The following CNTNAP2 variants were observed in gnomAD, a reference collection of about 807,000 sequenced individuals.
CNTNAP2 encodes contactin associated protein 2, also known as contactin-associated protein-like 2.
Under a neutral mutation model 155.2 loss-of-function variants are expected in CNTNAP2, and 98 were observed. The ratio of observed to expected loss-of-function variants is 0.63; its 90% CI spans 0.54 to 0.75. The LOEUF (loss-of-function observed/expected upper bound fraction) is 0.75, where lower values mean the gene tolerates loss of function less well. Among genes scored for constraint, CNTNAP2 ranks in the 30% least tolerant of loss-of-function variants. The pLI, the probability that CNTNAP2 is intolerant of heterozygous loss-of-function variation, is 0.00. For synonymous variants in CNTNAP2, 651 were observed against 631.2 expected (o/e 1.03, Z -0.47); for missense variants, 1,727 against 1,688.1 (o/e 1.02, Z -0.40).
intron 12 of CNTNAP2, among the ~76,000 whole-genome samples, chr7:147,611,219 C>T (rs1563021152): frequency 1.3e-5 from 2 of 152,092 alleles, no homozygotes; most frequent in African/African-American, 4.8e-5. Context: ...TACTTAGCCT[C>T]CAAGTTTGAA....
chr7:146,178,527 A>G (rs1798505074), intron 1 of CNTNAP2, among the ~76,000 whole-genome samples: 1 of 152,140 alleles, frequency 6.6e-6, no homozygotes, highest in Admixed American at 6.5e-5. Context: ...GGCATGTTTG[A>G]TTAGTAATTT....
intron 13 of CNTNAP2, among the ~76,000 whole-genome samples, chr7:147,687,189 G>T (rs982734528): frequency 2.0e-5 from 3 of 152,044 alleles, no homozygotes; most frequent in African/African-American, 7.2e-5. Context: ...CAGTACTTTT[G>T]TTGGAATGAA....
At chr7:148,082,913 G>A (rs1264231987) in intron 15 of CNTNAP2, among the ~76,000 whole-genome samples, 2 of 151,814 alleles carry the variant, frequency 1.3e-5, no homozygotes, top group African/African-American at 4.8e-5. Flanking sequence ...TCTTGACCTC[G>A]TGATCCACCT....
chr7:147,500,375 C>T (rs1798788742), intron 11 of CNTNAP2, among the ~76,000 whole-genome samples: 1 of 152,050 alleles, frequency 6.6e-6, no homozygotes, highest in African/African-American at 2.4e-5. Context: ...AGTTCTTATA[C>T]TAGATAGATC....
intron 10 of CNTNAP2, among the ~76,000 whole-genome samples, chr7:147,463,221 C>A (rs1205176437): frequency 1.3e-5 from 2 of 152,164 alleles, no homozygotes. Flanking sequence ...CAATAGCAAG[C>A]TGTGAGACCT....
At chr7:147,335,001 T>G (rs1332637449) in intron 9 of CNTNAP2, among the ~76,000 whole-genome samples, 2 of 152,150 alleles carry the variant, frequency 1.3e-5, no homozygotes, top group Non-Finnish European at 2.9e-5. Flanking sequence ...ATTCTGCAGA[T>G]GAGGAAATTG....
At chr7:146,238,390 T>C (rs1799508000) in intron 1 of CNTNAP2, among the ~76,000 whole-genome samples, 1 of 152,128 alleles carries the variant, frequency 6.6e-6, no homozygotes, top group African/African-American at 2.4e-5. Flanking sequence ...TGGCATCAGA[T>C]ACGTGAGCAC....
intron 1 of CNTNAP2, among the ~76,000 whole-genome samples, chr7:146,712,659 C>CT (rs944729060): frequency 2.3e-4 from 35 of 149,858 alleles, no homozygotes; most frequent in Admixed American, 1.0e-3. Context: ...CTACTTTTGC[C>CT]TTTTTTTTTC....
chr7:147,325,986 A>G (rs1443305521), intron 9 of CNTNAP2, among the ~76,000 whole-genome samples: 3 of 152,008 alleles, frequency 2.0e-5, no homozygotes, highest in Admixed American at 6.6e-5. Flanking sequence ...GCAGTGGCAC[A>G]ATCTCGGCTC....
Position 147,493,268 on chromosome 7 carries a change from A to G in CNTNAP2, c.1777+7227A>G, listed in dbSNP as rs542767454. Among the ~76,000 whole-genome samples the G allele has an allele frequency of 7.9e-5, 12 of 152,326 alleles. No individual in the cohort carries two copies. The South Asian group carries it at 1.9e-3, about 24-fold the overall frequency. ...ATAATAGCCACACTAGCTGATTTATATGCATGGAGTACATCTACTCTTTCT... is the reference window on the plus strand; with the variant it reads ...ATAATAGCCACACTAGCTGATTTATGTGCATGGAGTACATCTACTCTTTCT... On this transcript the variant is annotated intron_variant, in intron 11 of 23. Coordinates refer to ENST00000361727, the MANE Select transcript of CNTNAP2 (RefSeq NM_014141.6).
At chr7:148,104,257 G>C (rs1446016295) in intron 15 of CNTNAP2, among the ~76,000 whole-genome samples, 2 of 152,086 alleles carry the variant, frequency 1.3e-5, no homozygotes, top group Non-Finnish European at 2.9e-5. Flanking sequence ...GTAATGAAAA[G>C]AGCACAAAAA....
At chr7:146,966,611 T>G (rs1175777681) in intron 3 of CNTNAP2, among the ~76,000 whole-genome samples, 2 of 152,190 alleles carry the variant, frequency 1.3e-5, no homozygotes, top group Non-Finnish European at 2.9e-5. Flanking sequence ...TACAGACAAA[T>G]GATTCTTAGG....
In CNTNAP2 at chr7:147,954,752, A is replaced by G. The variant is rs533219476; in HGVS notation, c.2256-23110A>G. ...GCTCAGCAATATGTGTTCAGTATCC[A>G]AAGTGTGTTAGACACAATTCAGTAT... On this transcript the variant is annotated intron_variant, in intron 14 of 23. Coordinates refer to ENST00000361727, the MANE Select transcript of CNTNAP2 (RefSeq NM_014141.6). Among the ~76,000 whole-genome samples, 607 of 152,350 alleles carry G rather than the reference A, an allele frequency of 4.0e-3. 3 individuals are homozygous for G. The highest frequency in any genetic ancestry group is 6.5e-3 in the Non-Finnish European group (439 of 68,036).
At chr7:147,900,613 T>G (rs538019563) in intron 13 of CNTNAP2, among the ~76,000 whole-genome samples, 2 of 152,178 alleles carry the variant, frequency 1.3e-5, no homozygotes, top group East Asian at 1.9e-4. Flanking sequence ...GTTTTTTGTT[T>G]GTTTTGTTTT....
intron 3 of CNTNAP2, among the ~76,000 whole-genome samples, chr7:146,999,600 T>C (rs1267038773): frequency 2.0e-5 from 3 of 152,056 alleles, no homozygotes; most frequent in Non-Finnish European, 4.4e-5. Context: ...TGCTTGTGTT[T>C]GTCTGGGAAA....
chr7:147,235,080 G>T (rs1803768545), intron 8 of CNTNAP2, among the ~76,000 whole-genome samples: 1 of 152,112 alleles, frequency 6.6e-6, no homozygotes, highest in African/African-American at 2.4e-5. Flanking sequence ...GCTCCCCATT[G>T]TGGAAGAGCC....
rs1585162884 is a variant in CNTNAP2, at chr7:146,928,928, G to A, written c.402+89024G>A. ...CAGGCTTGCTTAGGTAAACAAAGCA[G>A]CCAGGAAGCTGGAACTGGGTGGAGC... On this transcript the variant is annotated intron_variant, in intron 3 of 23. Transcript: ENST00000361727. Among the ~76,000 whole-genome samples the A allele has an allele frequency of 2.0e-5, 3 of 152,356 alleles. No homozygotes were observed. In the South Asian group the frequency reaches 6.2e-4, roughly 32 times the overall value.
intron 23 of CNTNAP2, among the ~76,000 whole-genome samples, chr7:148,412,180 T>A (rs1554432166): frequency 1.9e-4 from 29 of 152,194 alleles, no homozygotes; most frequent in Non-Finnish European, 1.5e-5. Flanking sequence ...GACCTTGTGA[T>A]CCACCCACCT....
intron 1 of CNTNAP2, among the ~76,000 whole-genome samples, chr7:146,648,142 A>G (rs1022543262): frequency 1.3e-5 from 2 of 152,180 alleles, no homozygotes; most frequent in East Asian, 3.8e-4. Flanking sequence ...TCTCTACTTC[A>G]TGGGTACACA....
Sources: allele counts gnomAD v4.1 joint callset (sites outside exome capture counted in the v4.1 genomes callset), GRCh38; gene constraint gnomAD v4.1.1; transcripts MANE v1.5; gene names NCBI Gene and HGNC (gene_info 2026-07-23, HGNC 2026-07-21).